CSMD1: variants seen among roughly 807,000 people sequenced by gnomAD.
CSMD1 encodes the protein CUB and Sushi multiple domains 1.
CSMD1 carries 213 observed loss-of-function variants against 417.5 expected under a neutral mutation model. The observed-to-expected ratio is 0.51, with a 90% CI of 0.46 to 0.57. CSMD1 has a LOEUF of 0.57. Among genes scored for constraint, CSMD1 ranks in the 20% least tolerant of loss-of-function variants. The probability of loss-of-function intolerance (pLI) is 0.00; values close to 1 mark genes in which losing one functional copy is unlikely to be tolerated. For synonymous variants in CSMD1, 2,862 were observed against 1,736.8 expected (o/e 1.65, Z -16.11); for missense variants, 6,923 against 4,529.7 (o/e 1.53, Z -15.17).
intron 1 of CSMD1, among the ~76,000 whole-genome samples, chr8:4,967,640 T>A (rs1016595327): frequency 6.6e-6 from 1 of 152,198 alleles, no homozygotes; most frequent in Admixed American, 6.5e-5. Context: ...AGTTCTTAAA[T>A]GATTTTATTC....
chr8:2,956,602 C>T (rs575545958), intron 63 of CSMD1, among the ~76,000 whole-genome samples: 12 of 152,110 alleles, frequency 7.9e-5, no homozygotes, highest in African/African-American at 1.4e-4. Context: ...TACAGGCACC[C>T]GCCACCATGC....
At chr8:3,429,315 A>G (rs536592495) in intron 12 of CSMD1, among the ~76,000 whole-genome samples, 12 of 152,240 alleles carry the variant, frequency 7.9e-5, no homozygotes, top group Non-Finnish European at 1.5e-4. Flanking sequence ...TAAAATGCTG[A>G]AGGAAATATA....
At chr8:3,652,375 G>A (rs776207710) in intron 7 of CSMD1, among the ~76,000 whole-genome samples, 6 of 152,170 alleles carry the variant, frequency 3.9e-5, no homozygotes, top group Non-Finnish European at 7.3e-5. Context: ...CACCATCAGA[G>A]CGCTTAGCAC....
At chr8:3,772,067 T>C (rs1373435221) in intron 5 of CSMD1, among the ~76,000 whole-genome samples, 2 of 151,556 alleles carry the variant, frequency 1.3e-5, no homozygotes, top group Non-Finnish European at 2.9e-5. Flanking sequence ...TCTGCCATTA[T>C]GCTACCAATC....
At chr8:3,172,952 T>C (rs373066997) in intron 37 of CSMD1, among the ~76,000 whole-genome samples, 14 of 152,338 alleles carry the variant, frequency 9.2e-5, no homozygotes, top group African/African-American at 3.4e-4. Context: ...TGATAGGACC[T>C]ACCACTGAAA....
At chr8:4,956,678 A>G (rs1205069183) in intron 1 of CSMD1, among the ~76,000 whole-genome samples, 2 of 152,166 alleles carry the variant, frequency 1.3e-5, no homozygotes, top group African/African-American at 4.8e-5. Flanking sequence ...AAACAAGTTG[A>G]TATTCACTCA....
intron 3 of CSMD1, among the ~76,000 whole-genome samples, chr8:4,067,478 A>G (rs1563078981): frequency 8.8e-6 from 1 of 114,126 alleles, no homozygotes; most frequent in East Asian, 2.4e-4. Flanking sequence ...ACATGAAATA[A>G]ATTACTTTTT....
chr8:4,485,719 G>C (rs370944011), intron 2 of CSMD1, among the ~76,000 whole-genome samples: 1 of 152,036 alleles, frequency 6.6e-6, no homozygotes, highest in Non-Finnish European at 1.5e-5. Flanking sequence ...CCCAAAATAA[G>C]TACATAATCT....
intron 5 of CSMD1, among the ~76,000 whole-genome samples, chr8:3,868,836 C>A (rs570135544): frequency 6.6e-6 from 1 of 152,156 alleles, no homozygotes; most frequent in African/African-American, 2.4e-5. Context: ...ATGTGCTCAT[C>A]CAAGCCACCA....
intron 5 of CSMD1, among the ~76,000 whole-genome samples, chr8:3,783,775 A>C (rs1390335757): frequency 6.6e-6 from 1 of 152,172 alleles, no homozygotes; most frequent in Non-Finnish European, 1.5e-5. Context: ...GGGAAAAGAA[A>C]GTCGCATAGG....
intron 26 of CSMD1, among the ~76,000 whole-genome samples, chr8:3,273,374 G>A (rs1802015705): frequency 6.6e-6 from 1 of 152,096 alleles, no homozygotes; most frequent in Non-Finnish European, 1.5e-5. Context: ...GTTCATCAAG[G>A]ATATTGGTCT....
At chr8:3,965,529 A>C (rs1026904975) in intron 5 of CSMD1, among the ~76,000 whole-genome samples, 1 of 152,234 alleles carries the variant, frequency 6.6e-6, no homozygotes, top group African/African-American at 2.4e-5. Context: ...GAAACAATAG[A>C]GCCTGAACAA....
chr8:3,399,550 T>C (rs1811912456), intron 15 of CSMD1, 21 bp from the exon 16 acceptor site: 4 of 1,551,254 alleles, frequency 2.6e-6, no homozygotes, highest in African/African-American at 2.8e-5. Flanking sequence ...ACGTAGAATA[T>C]CTATTAGATC....
chr8:4,100,189 G>T (rs1329320708), intron 3 of CSMD1, among the ~76,000 whole-genome samples: 1 of 152,048 alleles, frequency 6.6e-6, no homozygotes, highest in Non-Finnish European at 1.5e-5. Context: ...CACTACCTTG[G>T]GGAAGGGTGA....
chr8:4,649,396 ACAGGCATTATCATTCCTATTTTAC>A (rs1803738880), intron 1 of CSMD1, among the ~76,000 whole-genome samples: 1 of 152,214 alleles, frequency 6.6e-6, no homozygotes, highest in Admixed American at 6.5e-5. Context: ...ATCTTGAAAG[ACAGGCATTATCATTCCTATTTTAC>A]TGATGAGAAA....
intron 5 of CSMD1, among the ~76,000 whole-genome samples, chr8:3,974,104 A>G (rs1404594707): frequency 6.6e-6 from 1 of 152,126 alleles, no homozygotes; most frequent in Non-Finnish European, 1.5e-5. Context: ...ATTTCTAATT[A>G]CTTTTTGTAC....
chr8:4,791,759 G>C (rs913767577), intron 1 of CSMD1, among the ~76,000 whole-genome samples: 1 of 152,142 alleles, frequency 6.6e-6, no homozygotes, highest in Non-Finnish European at 1.5e-5. Flanking sequence ...TCCTTCATTA[G>C]CATCGTGTGC....
In CSMD1 at chr8:3,712,294, T is replaced by A. The variant is rs192146730; in HGVS notation, c.932-3803A>T. On this transcript the variant is annotated intron_variant, in intron 6 of 69. Coordinates refer to ENST00000635120, the MANE Select transcript of CSMD1 (RefSeq NM_033225.6). ...CGTTTTTTGGGTTCTCCTCTTTTCT[T>A]CCTTCCACACCCTTCCCTCGCCTCT... 3.8e-3 allele frequency among the ~76,000 whole-genome samples: 578 copies of A among 152,012 alleles called. 7 individuals carry two copies. Among genetic ancestry groups the A allele is most frequent in the African/African-American group, 0.013 (542 of 41,444 alleles).
At chr8:4,280,258 G>A (rs1796705131) in intron 3 of CSMD1, among the ~76,000 whole-genome samples, 1 of 152,178 alleles carries the variant, frequency 6.6e-6, no homozygotes, top group African/African-American at 2.4e-5. Context: ...TTTGTATATT[G>A]CAGTATTTGA....
Sources: allele counts gnomAD v4.1 joint callset (sites outside exome capture counted in the v4.1 genomes callset), GRCh38; gene constraint gnomAD v4.1.1; transcripts MANE v1.5; gene names NCBI Gene and HGNC (gene_info 2026-07-23, HGNC 2026-07-21).